The following CELF2 variants were observed in gnomAD, a reference collection of about 807,000 sequenced individuals.
CELF2 encodes CUG triplet repeat RNA-binding protein 2.
Under a neutral mutation model 62.6 loss-of-function variants are expected in CELF2, and 8 were observed. That is an observed-to-expected ratio of 0.13 (90% confidence interval 0.07 to 0.23). CELF2 has a LOEUF of 0.23. CELF2 is among the 10% of genes least tolerant of loss of function. The probability of loss-of-function intolerance (pLI) is 1.00; values close to 1 mark genes in which losing one functional copy is unlikely to be tolerated. For synonymous variants in CELF2, 258 were observed against 250.0 expected (o/e 1.03, Z -0.30); for missense variants, 333 against 671.0 (o/e 0.50, Z 5.56).
intron 1 of CELF2, among the ~76,000 whole-genome samples, chr10:11,129,035 A>G (rs2059193930): frequency 6.6e-6 from 1 of 152,124 alleles, no homozygotes; most frequent in Non-Finnish European, 1.5e-5. Context: ...AGCTCTTATT[A>G]TTTTGAGATG....
Position 10,920,005 on chromosome 10 carries a change from C to A in CELF2, c.89+6C>A, listed in dbSNP as rs143120388. ...TTAGCTGGGAGTCTACCAAGGTGAG[C>A]ACGCTGGCTTTGCTTATTCTATGCC... is the stretch of plus-strand genomic sequence containing the variant. On this transcript the variant is annotated splice_donor_region_variant and intron_variant, in intron 2 of 13. Coordinates refer to the CELF2 transcript ENST00000636488. 338 of 1,231,280 alleles carry A rather than the reference C, an allele frequency of 2.7e-4. No individual in the cohort carries two copies. In the African/African-American group the frequency reaches 4.9e-3, roughly 18 times the overall value. The allele number at this position is 1,231,280 out of a possible 1,614,324, so 76.3% of individuals were successfully genotyped here.
At chr10:11,196,881 C>T (rs532896643) in intron 2 of CELF2, among the ~76,000 whole-genome samples, 3 of 150,684 alleles carry the variant, frequency 2.0e-5, no homozygotes, top group Non-Finnish European at 4.4e-5. Flanking sequence ...ATGACTTGAA[C>T]CTGGGAGGCG....
chr10:10,792,431 A>G, the CELF2 span: 1 of 398,462 alleles, frequency 2.5e-6, no homozygotes. Flanking sequence ...CTCTATGAGC[A>G]GGTGTTGACA....
the CELF2 span, among the ~76,000 whole-genome samples, chr10:10,736,435 A>T: frequency 1.0e-5 from 1 of 99,794 alleles, no homozygotes. Context: ...TGGTTTGTAT[A>T]CTTGATTACA....
At chr10:10,755,694 C>T in the CELF2 span, among the ~76,000 whole-genome samples, 1 of 152,198 alleles carries the variant, frequency 6.6e-6, no homozygotes, top group African/African-American at 2.4e-5. Context: ...CCCCCTCTTA[C>T]GATGTTATAT....
At chr10:10,884,078 A>G (rs1287619732) in intron 1 of CELF2, among the ~76,000 whole-genome samples, 1 of 152,094 alleles carries the variant, frequency 6.6e-6, no homozygotes, top group Non-Finnish European at 1.5e-5. Context: ...AGGAATCTGC[A>G]AGGAACCTCA....
At chr10:11,087,107 C>G (rs375022880) in intron 1 of CELF2, among the ~76,000 whole-genome samples, 1 of 152,176 alleles carries the variant, frequency 6.6e-6, no homozygotes, top group African/African-American at 2.4e-5. Flanking sequence ...ATATAAAGCA[C>G]TGTGACATCA....
At chr10:11,136,243 T>C (rs1196645612) in intron 1 of CELF2, among the ~76,000 whole-genome samples, 2 of 152,176 alleles carry the variant, frequency 1.3e-5, no homozygotes, top group Non-Finnish European at 2.9e-5. Context: ...CTTGAGATGA[T>C]AGAGAATATA....
rs558542049 is a variant in CELF2, at chr10:11,159,408, C to G, written c.75-6078C>G. ...CGCGTTTTTCATGATGACTGTGAAG[C>G]AGTGCATTTTAAAAGGGAGTTGCAA... On this transcript the variant is annotated intron_variant, in intron 1 of 12. Transcript: ENST00000633077. The surrounding 1 kb of genome is among the most constrained non-coding windows in gnomAD (Gnocchi z 5.0). Among the ~76,000 whole-genome samples, 1 of 152,314 alleles carries G rather than the reference C, an allele frequency of 6.6e-6. No individual in the cohort carries two copies. Among genetic ancestry groups the G allele is most frequent in the South Asian group, 2.1e-4 (1 of 4,830 alleles).
At chr10:10,497,649 G>A in the CELF2 span, among the ~76,000 whole-genome samples, 3 of 152,174 alleles carry the variant, frequency 2.0e-5, no homozygotes, top group African/African-American at 7.2e-5. Context: ...GTCTGCAAGA[G>A]AGTGTTTCAG....
chr10:11,171,646 G>A (rs930100818), intron 2 of CELF2, among the ~76,000 whole-genome samples: 2 of 152,212 alleles, frequency 1.3e-5, no homozygotes, highest in Admixed American at 6.5e-5. Flanking sequence ...TAGAGTGAGG[G>A]TAGGCCCTGG....
chr10:10,517,229 G>GA, the CELF2 span, among the ~76,000 whole-genome samples: 1 of 152,108 alleles, frequency 6.6e-6, no homozygotes, highest in Non-Finnish European at 1.5e-5. Flanking sequence ...GCTTGAGGGG[G>GA]ACTCAACTTC....
rs545270129 is a variant in CELF2 at position 10,873,681 on chromosome 10, T to C, written c.54-46283T>C. Reference sequence around the variant, plus strand: ...TAACCAAGGTTGTAGAGTCATCCTATATTAATTAAATTAGCAATAAATCGA... The same window carrying C: ...TAACCAAGGTTGTAGAGTCATCCTACATTAATTAAATTAGCAATAAATCGA... On this transcript the variant is annotated intron_variant, in intron 1 of 13. Transcript: ENST00000636488. Among the ~76,000 whole-genome samples, 3 of 152,370 alleles carry C rather than the reference T, an allele frequency of 2.0e-5. No homozygotes were observed. In the South Asian group the frequency reaches 6.2e-4, roughly 32 times the overall value.
rs1427573167 is a variant in CELF2 at position 11,305,179 on chromosome 10, G to A, written c.977-8960G>A. ...TGAGGGGCTAGGGGGAGGTGGTCCA[G>A]GTTATCCACATAGCAGAGAAAAGAA... On this transcript the variant is annotated intron_variant, in intron 9 of 12. Coordinates refer to ENST00000633077, the MANE Select transcript of CELF2 (RefSeq NM_001326342.2). The surrounding 1 kb of genome is among the most constrained non-coding windows in gnomAD (Gnocchi z 4.8). Among the ~76,000 whole-genome samples, 1 of 152,198 alleles carries A rather than the reference G, an allele frequency of 6.6e-6. No individual in the cohort carries two copies. Among genetic ancestry groups the A allele is most frequent in the African/African-American group, 2.4e-5 (1 of 41,442 alleles).
chr10:10,935,771 A>T (rs575690740), intron 2 of CELF2, among the ~76,000 whole-genome samples: 1 of 152,208 alleles, frequency 6.6e-6, no homozygotes, highest in African/African-American at 2.4e-5. Context: ...AATATTTCTT[A>T]TAATTCTTCA....
chr10:10,995,443 A>G lies in CELF2; in HGVS notation c.89+75444A>G, dbSNP rs2053853437. Among the ~76,000 whole-genome samples, 1 of 152,198 alleles carries G rather than the reference A, an allele frequency of 6.6e-6. No individual in the cohort carries two copies. The highest frequency in any genetic ancestry group is 2.4e-5 in the African/African-American group (1 of 41,450). ...GATACACAGAAATAAACCCAGTCAC[A>G]GGGTGGGGATCACTGGAGAGTTTTG... On this transcript the variant is annotated intron_variant, in intron 2 of 13. Transcript: ENST00000636488. The surrounding 1 kb of genome is among the most constrained non-coding windows in gnomAD (Gnocchi z 4.7).
chr10:10,614,122 G>A, the CELF2 span, among the ~76,000 whole-genome samples: 2 of 151,534 alleles, frequency 1.3e-5, no homozygotes, highest in Non-Finnish European at 2.9e-5. Flanking sequence ...TTGTGCAAAG[G>A]AGACTGGGCT....
At chr10:10,486,040 A>G in the CELF2 span, among the ~76,000 whole-genome samples, 1 of 152,204 alleles carries the variant, frequency 6.6e-6, no homozygotes, top group Non-Finnish European at 1.5e-5. Context: ...TAGAATTAGA[A>G]TCATGGAAAC....
the CELF2 span, among the ~76,000 whole-genome samples, chr10:10,674,291 T>C: frequency 6.6e-6 from 1 of 152,242 alleles, no homozygotes. Flanking sequence ...TTATCCTTGA[T>C]AATTTTCCTT....
Sources: gnomAD v4.1 joint callset for allele counts (sites outside exome capture counted in the v4.1 genomes callset) on GRCh38, gnomAD v4.1.1 for gene constraint, Gnocchi (gnomAD v3.1) non-coding constraint, MANE v1.5 for transcripts, NCBI Gene and HGNC (gene_info 2026-07-23, HGNC 2026-07-21) for gene names.